ZMIZ1: variants seen among roughly 807,000 people sequenced by gnomAD.
ZMIZ1 encodes the protein zinc finger MIZ domain-containing protein 1.
Under a neutral mutation model 113.9 loss-of-function variants are expected in ZMIZ1, and 17 were observed. That is an observed-to-expected ratio of 0.15 (90% CI 0.10 to 0.22). The LOEUF is 0.22. Ranked by LOEUF, ZMIZ1 falls within the 10% of genes least tolerant of loss-of-function variation. The pLI, the probability that ZMIZ1 is intolerant of heterozygous loss-of-function variation, is 1.00. For missense variants in ZMIZ1, 1,059 were observed against 1,477.8 expected (o/e 0.72, Z 4.65); for synonymous variants, 607 against 603.1 (o/e 1.01, Z -0.09).
At chr10:79,244,592 G>A (rs1019851699) in intron 7 of ZMIZ1, among the ~76,000 whole-genome samples, 2 of 152,196 alleles carry the variant, frequency 1.3e-5, no homozygotes, top group Non-Finnish European at 2.9e-5. Flanking sequence ...CAGTCCCTTC[G>A]CCCTTGACCA....
At chr10:79,091,445 G>A (rs536343240) in intron 1 of ZMIZ1, among the ~76,000 whole-genome samples, 3 of 152,264 alleles carry the variant, frequency 2.0e-5, no homozygotes, top group Admixed American at 6.5e-5. Context: ...TGACCTCAAG[G>A]AGTTTCACAG....
At position 79,316,049 on chromosome 10, in the gene ZMIZ1, G is replaced by C. The variant is rs1469367936; in HGVS notation, c.*3300G>C. On this transcript the variant is annotated 3_prime_UTR_variant, in exon 25 of 25. Coordinates refer to ENST00000334512, the MANE Select transcript of ZMIZ1 (RefSeq NM_020338.4). ...CTTCAGTGTACTAGTCCTGCCACCT[G>C]TGTATTTTTAGGGTGCTATGGAAAT... is the stretch of plus-strand genomic sequence containing the variant. The C allele has an allele frequency of 2.0e-5, 3 of 152,766 alleles. No homozygotes were observed. Among genetic ancestry groups the C allele is most frequent in the African/African-American group, 7.2e-5 (3 of 41,460 alleles). 9.5% of individuals were successfully genotyped at this position (152,766 alleles called of 1,614,324 possible).
chr10:79,221,879 C>A (rs1332730016), intron 7 of ZMIZ1, among the ~76,000 whole-genome samples: 2 of 152,268 alleles, frequency 1.3e-5, no homozygotes, highest in East Asian at 3.8e-4. Flanking sequence ...TGCCTGCTGC[C>A]TTCTCGCGCC....
intron 2 of ZMIZ1, among the ~76,000 whole-genome samples, chr10:79,134,165 C>G (rs930876230): frequency 6.6e-6 from 1 of 152,118 alleles, no homozygotes; most frequent in African/African-American, 2.4e-5. Flanking sequence ...GTCTGAAGCC[C>G]GGGGTCACCA....
intron 7 of ZMIZ1, among the ~76,000 whole-genome samples, chr10:79,232,003 T>C (rs1370490864): frequency 2.6e-5 from 4 of 152,176 alleles, no homozygotes; most frequent in African/African-American, 9.7e-5. Context: ...GACCCATGAA[T>C]GATGGGAGGA....
chr10:79,297,499 G>A, intron 13 of ZMIZ1, 114 bp from the exon 14 acceptor site: 2 of 868,258 alleles, frequency 2.3e-6, no homozygotes. Flanking sequence ...CCCAGCAGTG[G>A]ATGGGCCCCT....
intron 23 of ZMIZ1, among the ~76,000 whole-genome samples, chr10:79,308,712 G>T (rs1023194259): frequency 6.6e-6 from 1 of 152,118 alleles, no homozygotes; most frequent in Non-Finnish European, 1.5e-5. Flanking sequence ...CATGGGGCTT[G>T]TGATTTCTGG....
In ZMIZ1 at chr10:79,312,758, C is replaced by T. The variant is rs759362105; in HGVS notation, c.*9C>T. 11 of 1,612,164 alleles carry T rather than the reference C, an allele frequency of 6.8e-6. No individual in the cohort carries two copies. The highest frequency in any genetic ancestry group is 2.2e-5 in the East Asian group (1 of 44,886). On this transcript the variant is annotated 3_prime_UTR_variant, in exon 25 of 25. Coordinates refer to ENST00000334512, the MANE Select transcript of ZMIZ1 (RefSeq NM_020338.4). Reference sequence around the variant, plus strand: ...TATTTGAGAACAACTGAGGGCCACCCGGTCGGGGCCATCCCTCCACACTCT... The same window carrying T: ...TATTTGAGAACAACTGAGGGCCACCTGGTCGGGGCCATCCCTCCACACTCT...
At chr10:79,270,120 C>T (rs992403215) in intron 7 of ZMIZ1, among the ~76,000 whole-genome samples, 1 of 152,212 alleles carries the variant, frequency 6.6e-6, no homozygotes, top group Non-Finnish European at 1.5e-5. Context: ...GGGGAGGGCA[C>T]GCCTGAGCAA....
At chr10:79,266,874 C>T (rs897302285) in intron 7 of ZMIZ1, among the ~76,000 whole-genome samples, 2 of 152,210 alleles carry the variant, frequency 1.3e-5, no homozygotes, top group Non-Finnish European at 2.9e-5. Context: ...GTTCTGTTCT[C>T]AGGGCTCATG....
intron 2 of ZMIZ1, among the ~76,000 whole-genome samples, chr10:79,126,725 G>T (rs1001301938): frequency 6.6e-6 from 1 of 152,208 alleles, no homozygotes; most frequent in African/African-American, 2.4e-5. Flanking sequence ...TTGTGCCTCA[G>T]TTTCCCTTTT....
chr10:79,069,629 C>G lies in ZMIZ1; in HGVS notation c.-337+359C>G, dbSNP rs1115287. 0.098 allele frequency among the ~76,000 whole-genome samples: 14,882 copies of G among 151,716 alleles called. 923 individuals carry two copies. Among genetic ancestry groups the G allele is most frequent in the African/African-American group, 0.18 (7,420 of 41,370 alleles). The stretch of plus-strand genomic sequence containing the variant: ...CCTACACCCGGGGGCCGGGCAGGAC[C>G]GGGAATCGGAGGAGGGAGGGAAGGA... On this transcript the variant is annotated intron_variant, in intron 1 of 24. Coordinates refer to ENST00000334512, the MANE Select transcript of ZMIZ1 (RefSeq NM_020338.4). This position sits in a 1 kb window ranked among gnomAD's most constrained non-coding sequence, Gnocchi z 4.6.
chr10:79,088,481 C>T (rs1440405656), intron 1 of ZMIZ1, among the ~76,000 whole-genome samples: 1 of 152,190 alleles, frequency 6.6e-6, no homozygotes, highest in African/African-American at 2.4e-5. Context: ...TGCCTAGGCA[C>T]GGCCCTGGGT....
In ZMIZ1 at chr10:79,305,459, C is replaced by G. The variant is rs896677903; in HGVS notation, c.2355-74C>G. On this transcript the variant is annotated intron_variant, in intron 20 of 24. Transcript: ENST00000334512. ...CAGCAGGGGTGGGACCCCACTGACA[C>G]TGAGGTGGATGGGCTTTGCCCCTAC... 8.7e-5 allele frequency: 133 copies of G among 1,521,490 alleles called. No homozygotes were observed. Among genetic ancestry groups the G allele is most frequent in the Non-Finnish European group, 1.2e-4 (127 of 1,096,044 alleles). 94.2% of individuals were successfully genotyped at this position (1,521,490 alleles called of 1,614,324 possible). A position where few individuals can be genotyped will look rare whatever the true frequency, so the allele number is the denominator to read the frequency against.
chr10:79,076,825 G>A (rs1333785602), intron 1 of ZMIZ1, among the ~76,000 whole-genome samples: 2 of 152,190 alleles, frequency 1.3e-5, no homozygotes, highest in African/African-American at 2.4e-5. Context: ...TGACAGAGCA[G>A]GACTCTGCCT....
Position 79,314,644 on chromosome 10 carries a change from T to A in ZMIZ1, c.*1895T>A. 1 of 192,592 alleles carries A rather than the reference T, an allele frequency of 5.2e-6. No homozygotes were observed. Among genetic ancestry groups the A allele is most frequent in the South Asian group, 9.0e-5 (1 of 11,068 alleles). 11.9% of individuals were successfully genotyped at this position (192,592 alleles called of 1,614,324 possible). On this transcript the variant is annotated 3_prime_UTR_variant, in exon 25 of 25. Coordinates refer to ENST00000334512, the MANE Select transcript of ZMIZ1 (RefSeq NM_020338.4). ...TGGTTATAGCCTTTGCTGGTGTTTT[T>A]AAAATACCTGGACTCAATGACAAAG...
chr10:79,107,352 C>T (rs1442023007), intron 1 of ZMIZ1, among the ~76,000 whole-genome samples: 2 of 152,244 alleles, frequency 1.3e-5, no homozygotes. Flanking sequence ...GAGTTCCTTT[C>T]TCTCTCTGTG....
intron 7 of ZMIZ1, among the ~76,000 whole-genome samples, chr10:79,232,081 G>A (rs1418785788): frequency 1.3e-5 from 2 of 152,204 alleles, no homozygotes; most frequent in South Asian, 2.1e-4. Context: ...TCCTGCTTTA[G>A]AGCTGTGTGA....
rs1249536188 is a variant in ZMIZ1, at chr10:79,069,447, G to GGGCCGAGGCCCGGCGGCCGGC, written c.-337+179_-337+199dup. Among the ~76,000 whole-genome samples, 5 of 151,128 alleles carry GGGCCGAGGCCCGGCGGCCGGC rather than the reference G, an allele frequency of 3.3e-5. No homozygotes were observed. Among genetic ancestry groups the GGGCCGAGGCCCGGCGGCCGGC allele is most frequent in the African/African-American group, 1.2e-4 (5 of 41,256 alleles). On this transcript the variant is annotated intron_variant, in intron 1 of 24. Coordinates refer to ENST00000334512, the MANE Select transcript of ZMIZ1 (RefSeq NM_020338.4). This position sits in a 1 kb window ranked among gnomAD's most constrained non-coding sequence, Gnocchi z 4.6. Reference sequence around the variant, plus strand: ...CCGCTCCGCTCTCCTTGGCGGCCGGGGGCCGAGGCCCGGCGGCCGGCGAGC... The same window carrying GGGCCGAGGCCCGGCGGCCGGC: ...CCGCTCCGCTCTCCTTGGCGGCCGGGGGCCGAGGCCCGGCGGCCGGCGGCCGAGGCCCGGCGGCCGGCGAGC...
Sources: gnomAD v4.1 joint callset for allele counts (sites outside exome capture counted in the v4.1 genomes callset) on GRCh38, gnomAD v4.1.1 for gene constraint, Gnocchi (gnomAD v3.1) non-coding constraint, MANE v1.5 for transcripts, NCBI Gene and HGNC (gene_info 2026-07-23, HGNC 2026-07-21) for gene names.